The following PNMA6E variants were observed in gnomAD, a reference collection of about 807,000 sequenced individuals.
PNMA6E encodes the protein PNMA family member 6E, also known as paraneoplastic antigen Ma6E.
For missense variants in PNMA6E, 78 were observed against 50.8 expected (o/e 1.53, Z -1.63); for synonymous variants, 43 against 17.1 (o/e 2.52, Z -3.74).
Position 153,397,057 on chromosome X carries a change from C to A in PNMA6E, c.1793G>T (p.Ser598Ile). 3.4e-6 allele frequency: 1 copy of A among 298,061 alleles called. No homozygotes were observed. The highest frequency in any genetic ancestry group is 6.0e-5 in the Admixed American group (1 of 16,599). 24.6% of individuals were successfully genotyped at this position (298,061 alleles called of 1,213,427 possible). The change falls in exon 2 of 2, where the codon AGC becomes ATC. Residue 598 changes from serine to isoleucine, a missense_variant. Physicochemically the swap from Ser to Ile is moderately radical, Grantham distance 142 (BLOSUM62 -2). Coordinates refer to ENST00000445091, the MANE Select transcript of PNMA6E (RefSeq NM_001367770.1). ...SAVWVFPRGL[S>I]WGPEGLIQVR... ...CTGGATGAGGCCCTCTGGACCCCAG[C>A]TAAGACCTCTTGGGAACACCCAGAC...
chrX:153,411,646 T>A, the PNMA6E span, among the ~76,000 whole-genome samples: 1 of 112,781 alleles, frequency 8.9e-6, no homozygotes, highest in African/African-American at 3.2e-5. Context: ...GGCCTTGGCC[T>A]CGGGCCTGCC....
chrX:153,406,131 A>G (rs782065693), upstream of PNMA6E, among the ~76,000 whole-genome samples: 1 of 112,626 alleles, frequency 8.9e-6, no homozygotes, highest in Admixed American at 9.4e-5. Flanking sequence ...AGGACTCTGC[A>G]GAGAGCTGCT....
chrX:153,399,115 C>T (rs1212795091), intron 1 of PNMA6E, among the ~76,000 whole-genome samples, 195 bp from the exon 2 acceptor site: 2 of 112,245 alleles, frequency 1.8e-5, no homozygotes, highest in African/African-American at 6.5e-5. Context: ...ATTTTCTATG[C>T]TACTTGGTGC....
At chrX:153,411,015 T>A in the PNMA6E span, among the ~76,000 whole-genome samples, 1 of 110,601 alleles carries the variant, frequency 9.0e-6, no homozygotes, top group Non-Finnish European at 1.9e-5. Context: ...TTCCCTGACC[T>A]CCTTTTTCCC....
chrX:153,400,026 A>T (rs1019493441), intron 1 of PNMA6E, among the ~76,000 whole-genome samples: 3 of 112,743 alleles, frequency 2.7e-5, no homozygotes, highest in Non-Finnish European at 5.6e-5. Context: ...TTTCAAATAA[A>T]ATTCCACTGT....
intron 1 of PNMA6E, among the ~76,000 whole-genome samples, chrX:153,400,331 C>A (rs1243913752): frequency 7.1e-5 from 8 of 112,671 alleles, no homozygotes; most frequent in African/African-American, 2.3e-4. Flanking sequence ...GGCCGCCAGG[C>A]AGCCTCCGGC....
chrX:153,408,522 A>G, the PNMA6E span, among the ~76,000 whole-genome samples: 1 of 112,415 alleles, frequency 8.9e-6, no homozygotes, highest in East Asian at 2.8e-4. Flanking sequence ...ACCCTTCTGC[A>G]GGGTCAAGGA....
the PNMA6E span, among the ~76,000 whole-genome samples, chrX:153,412,664 A>G: frequency 8.9e-6 from 1 of 111,782 alleles, no homozygotes; most frequent in Non-Finnish European, 1.9e-5. Flanking sequence ...AATCCCCTGT[A>G]CAAAGGCCCT....
At chrX:153,408,650 A>G in the PNMA6E span, among the ~76,000 whole-genome samples, 1 of 112,004 alleles carries the variant, frequency 8.9e-6, no homozygotes, top group Non-Finnish European at 1.9e-5. Flanking sequence ...GCTGCACCCC[A>G]TCTACAGCAC....
the PNMA6E span, among the ~76,000 whole-genome samples, chrX:153,412,097 G>A: frequency 3.5e-5 from 4 of 112,899 alleles, no homozygotes; most frequent in East Asian, 5.6e-4. Flanking sequence ...CCCAGGCACC[G>A]GCCCTGAGGG....
chrX:153,408,609 G>A, the PNMA6E span, among the ~76,000 whole-genome samples: 43 of 112,296 alleles, frequency 3.8e-4, no homozygotes, highest in African/African-American at 1.3e-3. Flanking sequence ...TCCTGGGACT[G>A]CAGCCTGGAC....
intron 1 of PNMA6E, among the ~76,000 whole-genome samples, chrX:153,400,221 G>C (rs1484732373): frequency 8.9e-6 from 1 of 112,122 alleles, no homozygotes; most frequent in East Asian, 2.8e-4. Context: ...ACGAAGAGGC[G>C]ACCTGAAGCC....
At chrX:153,413,451 C>T in the PNMA6E span, among the ~76,000 whole-genome samples, 4 of 108,273 alleles carry the variant, frequency 3.7e-5, no homozygotes, top group Admixed American at 4.0e-4. Flanking sequence ...GCAGGGGTCC[C>T]GGGTCCGAGG....
chrX:153,407,319 G>A, the PNMA6E span, among the ~76,000 whole-genome samples: 9 of 111,741 alleles, frequency 8.1e-5, no homozygotes, highest in East Asian at 2.6e-3. Context: ...CTGGAGACTA[G>A]ACACTGCTGG....
At chrX:153,406,652 T>C in the PNMA6E span, among the ~76,000 whole-genome samples, 1 of 112,950 alleles carries the variant, frequency 8.9e-6, no homozygotes, top group Non-Finnish European at 1.9e-5. Flanking sequence ...GAGAACTCAC[T>C]GACAGATGTG....
chrX:153,403,619 A>C (rs782317811), upstream of PNMA6E, among the ~76,000 whole-genome samples: 251 of 111,636 alleles, frequency 2.2e-3, 1 homozygote, highest in African/African-American at 7.8e-3. Context: ...AAAAATTCAT[A>C]ATCAGTGAGC....
upstream of PNMA6E, among the ~76,000 whole-genome samples, chrX:153,402,780 T>G (rs1184452288): frequency 2.7e-5 from 3 of 110,222 alleles, no homozygotes; most frequent in East Asian, 8.6e-4. Flanking sequence ...CCTTCATTCT[T>G]AGGAGTATTT....
At position 153,398,484 on chromosome X, in the gene PNMA6E, A is replaced by G. The variant is rs941220945; in HGVS notation, c.366T>C (p.Gly122=). ...PQGQAVAKAA[G]EGGGAGEAGG... ...CTGCCTCACCTGCGCCTCCTCCCTC[A>G]CCTGCAGCTTTTGCTACTGCTTGAC... Residue 122 remains glycine (G), a synonymous_variant, in exon 2 of 2, where the codon GGT becomes GGC. Coordinates refer to ENST00000445091, the MANE Select transcript of PNMA6E (RefSeq NM_001367770.1). The G allele has an allele frequency of 2.5e-6, 1 of 408,011 alleles. No individual in the cohort carries two copies. The highest frequency in any genetic ancestry group is 4.2e-5 in the Admixed American group (1 of 23,914). 33.6% of individuals were successfully genotyped at this position (408,011 alleles called of 1,213,427 possible).
chrX:153,399,003 G>A, intron 1 of PNMA6E, 83 bp from the exon 2 acceptor site: 1 of 294,187 alleles, frequency 3.4e-6, no homozygotes, highest in Non-Finnish European at 5.9e-6. Context: ...GGGGGTGAGG[G>A]GGCAGGGCTG....
Sources: allele counts gnomAD v4.1 joint callset (sites outside exome capture counted in the v4.1 genomes callset), GRCh38; gene constraint gnomAD v4.1.1; transcripts MANE v1.5; gene names NCBI Gene and HGNC (gene_info 2026-07-23, HGNC 2026-07-21).